Variants in XKR4 observed in about 807,000 individuals in gnomAD.
The protein encoded by XKR4 is XK-related protein 4.
In XKR4, 12 loss-of-function variants were observed where a neutral mutation model predicts 53.9. The ratio of observed to expected loss-of-function variants is 0.22; its 90% CI spans 0.14 to 0.36. The LOEUF is 0.36. XKR4 is among the 10% of genes least tolerant of loss of function. The pLI is 1.00. For synonymous variants in XKR4, 354 were observed against 362.4 expected (o/e 0.98, Z 0.26); for missense variants, 799 against 859.5 (o/e 0.93, Z 0.88).
At chr8:55,319,645 C>A (rs1803178396) in intron 1 of XKR4, among the ~76,000 whole-genome samples, 1 of 152,092 alleles carries the variant, frequency 6.6e-6, no homozygotes, top group African/African-American at 2.4e-5. Context: ...CTATGAAATT[C>A]AAGGCACATC....
chr8:55,160,663 T>G (rs1816971571), intron 1 of XKR4, among the ~76,000 whole-genome samples: 2 of 152,150 alleles, frequency 1.3e-5, no homozygotes, highest in Admixed American at 6.5e-5. Flanking sequence ...TGTATTTCAT[T>G]TTCATTGTTG....
intron 1 of XKR4, among the ~76,000 whole-genome samples, chr8:55,294,289 G>A (rs1464487451): frequency 6.6e-6 from 1 of 152,130 alleles, no homozygotes; most frequent in Non-Finnish European, 1.5e-5. Flanking sequence ...ACAGGGACAG[G>A]TATTCTTTAC....
At chr8:55,411,578 A>G (rs899575095) in intron 2 of XKR4, among the ~76,000 whole-genome samples, 1 of 152,178 alleles carries the variant, frequency 6.6e-6, no homozygotes, top group African/African-American at 2.4e-5. Flanking sequence ...CCACTTGCCT[A>G]ACCCTGATTC....
intron 2 of XKR4, among the ~76,000 whole-genome samples, chr8:55,460,457 T>G (rs1805637746): frequency 6.6e-6 from 1 of 152,190 alleles, no homozygotes; most frequent in African/African-American, 2.4e-5. Flanking sequence ...TAGAAACCAA[T>G]AGATATTTAT....
chr8:55,205,382 T>A (rs193192569), intron 1 of XKR4, among the ~76,000 whole-genome samples: 1 of 152,328 alleles, frequency 6.6e-6, no homozygotes, highest in East Asian at 1.9e-4. Flanking sequence ...AGACTCAAAT[T>A]TAGAGGCAGA....
chr8:55,476,812 G>A (rs181304846), intron 2 of XKR4, among the ~76,000 whole-genome samples: 41 of 152,218 alleles, frequency 2.7e-4, no homozygotes, highest in African/African-American at 9.4e-4. Context: ...AGCAGTCTGA[G>A]ATCAAACTGC....
intron 2 of XKR4, among the ~76,000 whole-genome samples, chr8:55,518,619 A>T (rs1806752658): frequency 6.6e-6 from 1 of 152,188 alleles, no homozygotes; most frequent in South Asian, 2.1e-4. Flanking sequence ...CTACAGCCAG[A>T]TTGCTTCCAG....
chr8:55,359,142 G>C (rs535498091), intron 2 of XKR4, among the ~76,000 whole-genome samples: 2 of 152,332 alleles, frequency 1.3e-5, no homozygotes, highest in East Asian at 3.9e-4. Flanking sequence ...GAGGAAAGTG[G>C]AGTCTTTGCA....
At chr8:55,249,037 A>C (rs927160501) in intron 1 of XKR4, among the ~76,000 whole-genome samples, 1 of 152,060 alleles carries the variant, frequency 6.6e-6, no homozygotes, top group Non-Finnish European at 1.5e-5. Context: ...ATTTTTGTTG[A>C]TCTTTAAGTA....
chr8:55,460,444 T>C (rs1359136337), intron 2 of XKR4, among the ~76,000 whole-genome samples: 1 of 152,218 alleles, frequency 6.6e-6, no homozygotes, highest in African/African-American at 2.4e-5. Flanking sequence ...AATAAGGCTG[T>C]TTTAGAAACC....
Position 55,524,702 on chromosome 8 carries a change from T to C in XKR4, c.*475T>C, listed in dbSNP as rs1806857355. The C allele has an allele frequency of 6.5e-6, 1 of 153,604 alleles. No homozygotes were observed. The highest frequency in any genetic ancestry group is 2.1e-4 in the South Asian group (1 of 4,844). The allele number at this position is 153,604 out of a possible 1,614,324, so 9.5% of individuals were successfully genotyped here. ...CAAAGCTCTGATTCCCACAGGAATA[T>C]AAAAACAAAGAAAGAGGGAAACATC... is the stretch of plus-strand genomic sequence containing the variant. On this transcript the variant is annotated 3_prime_UTR_variant, in exon 3 of 3. Transcript: ENST00000327381.
At chr8:55,407,838 T>G (rs915457384) in intron 2 of XKR4, among the ~76,000 whole-genome samples, 1 of 152,246 alleles carries the variant, frequency 6.6e-6, no homozygotes, top group African/African-American at 2.4e-5. Flanking sequence ...ATTTTTGCTT[T>G]TACACTTTCA....
intron 1 of XKR4, among the ~76,000 whole-genome samples, chr8:55,284,650 C>T (rs1818883067): frequency 6.6e-6 from 1 of 152,106 alleles, no homozygotes; most frequent in Non-Finnish European, 1.5e-5. Flanking sequence ...AACCACAATG[C>T]CTTTTATGTC....
At chr8:55,490,898 T>C (rs1376109578) in intron 2 of XKR4, among the ~76,000 whole-genome samples, 1 of 150,906 alleles carries the variant, frequency 6.6e-6, no homozygotes, top group East Asian at 1.9e-4. Context: ...TTTAGAAATG[T>C]TTCAGCCATT....
intron 1 of XKR4, among the ~76,000 whole-genome samples, chr8:55,282,923 C>T (rs1398192617): frequency 1.3e-5 from 2 of 152,132 alleles, no homozygotes; most frequent in Admixed American, 6.5e-5. Context: ...GATATATAAG[C>T]ATACCATTTT....
At chr8:55,401,091 A>G (rs757383527) in intron 2 of XKR4, among the ~76,000 whole-genome samples, 30 of 152,320 alleles carry the variant, frequency 2.0e-4, no homozygotes, top group Admixed American at 8.5e-4. Context: ...AAAGCATGGT[A>G]TCTGGGTCAG....
intron 1 of XKR4, among the ~76,000 whole-genome samples, chr8:55,122,296 A>T (rs1816403087): frequency 6.6e-6 from 1 of 152,250 alleles, no homozygotes; most frequent in South Asian, 2.1e-4. Context: ...TTCATTTTGC[A>T]TAAAAATTTG....
At chr8:55,243,209 G>A (rs1818235882) in intron 1 of XKR4, among the ~76,000 whole-genome samples, 1 of 152,150 alleles carries the variant, frequency 6.6e-6, no homozygotes, top group Non-Finnish European at 1.5e-5. Context: ...AGAGTCCATA[G>A]TTTACCTTAG....
intron 2 of XKR4, among the ~76,000 whole-genome samples, chr8:55,520,415 C>T (rs1806781861): frequency 6.6e-6 from 1 of 152,106 alleles, no homozygotes; most frequent in Non-Finnish European, 1.5e-5. Context: ...GTGAAACCCC[C>T]TCTCTACTAA....
Sources: allele counts gnomAD v4.1 joint callset (sites outside exome capture counted in the v4.1 genomes callset), GRCh38; gene constraint gnomAD v4.1.1; transcripts MANE v1.5; gene names NCBI Gene and HGNC (gene_info 2026-07-23, HGNC 2026-07-21).